Variants in RCOR3 observed in about 807,000 individuals in gnomAD.
RCOR3 encodes REST corepressor 3.
RCOR3 carries 13 observed loss-of-function variants against 64.1 expected under a neutral mutation model. That is an observed-to-expected ratio of 0.20 (90% CI 0.13 to 0.32). The LOEUF (loss-of-function observed/expected upper bound fraction) is 0.32. Ranked by LOEUF, RCOR3 falls within the 10% of genes least tolerant of loss-of-function variation. RCOR3 has a pLI of 1.00. For synonymous variants in RCOR3, 215 were observed against 239.0 expected, an observed-to-expected ratio of 0.90 and a Z score of 0.93; for missense variants, 489 against 701.2, an observed-to-expected ratio of 0.70 and a Z score of 3.42.
At chr1:211,271,650 CA>C in intron 3 of RCOR3, 1 of 422,138 alleles carries the variant, frequency 2.4e-6, no homozygotes. Context: ...GCGGTAAAGA[CA>C]TGCCTTCAAA....
intron 10 of RCOR3, among the ~76,000 whole-genome samples, chr1:211,305,989 G>A (rs75960222): frequency 0.028 from 4,265 of 152,258 alleles, 78 homozygotes; most frequent in South Asian, 0.073. Flanking sequence ...AGTATTGCAT[G>A]TTCGCAGGAT....
rs1699939498 is a variant in RCOR3 at position 211,297,264 on chromosome 1, T to G, written c.1017+1511T>G. On this transcript the variant is annotated intron_variant, in intron 9 of 11. Coordinates refer to ENST00000419091, the MANE Select transcript of RCOR3 (RefSeq NM_001136223.3). Reference sequence around the variant, plus strand: ...AGAAAGATGTTAAAGTCCAGTAGCATTTTATAGCTTCCCTATGTGCTATCT... The same window carrying G: ...AGAAAGATGTTAAAGTCCAGTAGCAGTTTATAGCTTCCCTATGTGCTATCT... Among the ~76,000 whole-genome samples, 4 of 152,160 alleles carry G rather than the reference T, an allele frequency of 2.6e-5. No individual in the cohort carries two copies. The South Asian group carries it at 8.3e-4, about 31-fold the overall frequency.
chr1:211,301,062 A>T (rs1276524144), intron 9 of RCOR3, among the ~76,000 whole-genome samples: 4 of 152,130 alleles, frequency 2.6e-5, no homozygotes, highest in African/African-American at 9.7e-5. Context: ...GTCTCTGGCT[A>T]CCTTTTTAAA....
At chr1:211,292,380 TCA>T (rs1699348230) in intron 8 of RCOR3, among the ~76,000 whole-genome samples, 1 of 152,234 alleles carries the variant, frequency 6.6e-6, no homozygotes, top group Non-Finnish European at 1.5e-5. Flanking sequence ...AACTTCTAAA[TCA>T]TTTGCTGTAA....
rs772199628 is a variant in RCOR3 at position 211,259,465 on chromosome 1, C to T, written c.-96C>T. ...TCCGCCGCCGCCGCCGTCTCCTCCT[C>T]CTCCTCCTTTCCCTCCCGCCCGCGC... On this transcript the variant is annotated 5_prime_UTR_variant, in exon 1 of 12. Coordinates refer to ENST00000419091, the MANE Select transcript of RCOR3 (RefSeq NM_001136223.3). 1.3e-5 allele frequency: 16 copies of T among 1,279,984 alleles called. No individual in the cohort carries two copies. The South Asian group carries it at 1.7e-4, about 14-fold the overall frequency. The allele number at this position is 1,279,984 out of a possible 1,614,324, so 79.3% of individuals were successfully genotyped here. A position where few individuals can be genotyped will look rare whatever the true frequency, so the allele number is the denominator to read the frequency against.
Position 211,312,429 on chromosome 1 carries a change from G to A in RCOR3, c.1076-291G>A. On this transcript the variant is annotated intron_variant, in intron 10 of 11. Transcript: ENST00000419091. The surrounding 1 kb of genome is among the most constrained non-coding windows in gnomAD (Gnocchi z 5.0). ...AAGAATTCAATGCTTTACAATAAATGGACTGTATTTGAGAGTTCAAGAGAG... is the reference window on the plus strand; with the variant it reads ...AAGAATTCAATGCTTTACAATAAATAGACTGTATTTGAGAGTTCAAGAGAG... The A allele has an allele frequency of 3.7e-6, 2 of 537,860 alleles. No individual in the cohort carries two copies. The highest frequency in any genetic ancestry group is 7.1e-6 in the Non-Finnish European group (2 of 279,788). 33.3% of individuals were successfully genotyped at this position (537,860 alleles called of 1,614,324 possible).
intron 2 of RCOR3, among the ~76,000 whole-genome samples, chr1:211,262,265 T>C (rs1488247273): frequency 1.3e-5 from 2 of 151,888 alleles, no homozygotes; most frequent in African/African-American, 4.8e-5. Flanking sequence ...CTCGAACTCC[T>C]GACCTCGTGA....
At chr1:211,288,155 T>G (rs560879269) in intron 7 of RCOR3, among the ~76,000 whole-genome samples, 1 of 151,412 alleles carries the variant, frequency 6.6e-6, no homozygotes, top group Admixed American at 6.6e-5. Context: ...AAGGCTACAG[T>G]AAGCAGTGCT....
rs982052818 is a variant in RCOR3, at chr1:211,266,352, T to C, written c.224-4880T>C. On this transcript the variant is annotated intron_variant, in intron 2 of 11. Coordinates refer to ENST00000419091, the MANE Select transcript of RCOR3 (RefSeq NM_001136223.3). ...ATTTTTATTTTTATTGATGTAGAAA[T>C]CCTAGTTTATCGAATTATATTTTCC... Among the ~76,000 whole-genome samples, 3 of 152,184 alleles carry C rather than the reference T, an allele frequency of 2.0e-5. No homozygotes were observed. The South Asian group carries it at 6.2e-4, about 31-fold the overall frequency.
intron 7 of RCOR3, among the ~76,000 whole-genome samples, chr1:211,286,555 C>T (rs368940046): frequency 1.3e-5 from 2 of 152,128 alleles, no homozygotes; most frequent in South Asian, 4.1e-4. Context: ...GATCCGCCCC[C>T]CTCGGCCTCC....
Position 211,303,895 on chromosome 1 carries a change from A to G in RCOR3, c.1018-188A>G, listed in dbSNP as rs78839927. On this transcript the variant is annotated intron_variant, in intron 9 of 11. Coordinates refer to ENST00000419091, the MANE Select transcript of RCOR3 (RefSeq NM_001136223.3). The stretch of plus-strand genomic sequence containing the variant: ...TTGCAAATTGGTACATTTCCCTTTC[A>G]TTATCTTTCTGCATGGGTAAAAGGT... The G allele has an allele frequency of 2.7e-3, 1,136 of 426,578 alleles. 9 individuals are homozygous for G. Among genetic ancestry groups the G allele is most frequent in the African/African-American group, 0.02 (1,004 of 48,990 alleles). The allele number at this position is 426,578 out of a possible 1,614,324, so 26.4% of individuals were successfully genotyped here.
Position 211,259,520 on chromosome 1 carries a change from C to T in RCOR3, c.-41C>T, listed in dbSNP as rs1571727715. 2.4e-5 allele frequency: 37 copies of T among 1,533,172 alleles called. No individual in the cohort carries two copies. The highest frequency in any genetic ancestry group is 3.2e-5 in the Non-Finnish European group (37 of 1,138,826). The allele number at this position is 1,533,172 out of a possible 1,614,324, so 95.0% of individuals were successfully genotyped here. On this transcript the variant is annotated 5_prime_UTR_variant, in exon 1 of 12. Coordinates refer to ENST00000419091, the MANE Select transcript of RCOR3 (RefSeq NM_001136223.3). ...AGCCATCTCCGCCTTCACCCTGACG[C>T]CTGCCTCTTCCCCTCACCTTTCCCC...
intron 10 of RCOR3, among the ~76,000 whole-genome samples, chr1:211,308,687 T>TTTG (rs1701159138): frequency 3.1e-5 from 2 of 64,828 alleles, no homozygotes; most frequent in Non-Finnish European, 6.3e-5. Context: ...TTTTTTTGTT[T>TTTG]TTTTTTTTTT....
At chr1:211,285,986 A>G (rs1216383169) in intron 7 of RCOR3, among the ~76,000 whole-genome samples, 1 of 151,428 alleles carries the variant, frequency 6.6e-6, no homozygotes, top group African/African-American at 2.4e-5. Context: ...TAGCTCCACC[A>G]TTTTTCTTCT....
Position 211,259,756 on chromosome 1 carries a change from C to T in RCOR3, c.166+30C>T, listed in dbSNP as rs1435107089. 9.8e-6 allele frequency: 14 copies of T among 1,433,688 alleles called. No homozygotes were observed. In the East Asian group the frequency reaches 1.3e-4, roughly 14 times the overall value. The allele number at this position is 1,433,688 out of a possible 1,614,324, so 88.8% of individuals were successfully genotyped here. A position where few individuals can be genotyped will look rare whatever the true frequency, so the allele number is the denominator to read the frequency against. ...TAGCCTCGAACTCCTCCCCGCCAGC[C>T]CGCCTGCCCCCCTCCCTCTTCCCCT... On this transcript the variant is annotated intron_variant, in intron 1 of 11. Transcript: ENST00000419091.
intron 3 of RCOR3, among the ~76,000 whole-genome samples, chr1:211,272,570 C>T (rs920055768): frequency 1.5e-5 from 2 of 137,592 alleles, no homozygotes; most frequent in African/African-American, 5.5e-5. Context: ...TTTCTCAGAC[C>T]AATTAAGTTA....
intron 9 of RCOR3, among the ~76,000 whole-genome samples, chr1:211,298,018 G>A (rs1309201193): frequency 6.6e-6 from 1 of 152,148 alleles, no homozygotes; most frequent in Admixed American, 6.5e-5. Context: ...GGGAAAAATG[G>A]GTTGAAGAAA....
At chr1:211,282,133 C>A (rs1697894529) in intron 7 of RCOR3, among the ~76,000 whole-genome samples, 1 of 152,088 alleles carries the variant, frequency 6.6e-6, no homozygotes, top group African/African-American at 2.4e-5. Flanking sequence ...GATGCATACT[C>A]ATTTGGTCTT....
At position 211,312,549 on chromosome 1, in the gene RCOR3, A is replaced by G. The variant is rs1701601510; in HGVS notation, c.1076-171A>G. ...GGCTCGATGAAATGACATAACTGAT[A>G]GTTTTCATCTGTGACCCTGATATCT... On this transcript the variant is annotated intron_variant, in intron 10 of 11. Coordinates refer to ENST00000419091, the MANE Select transcript of RCOR3 (RefSeq NM_001136223.3). The surrounding 1 kb of genome is among the most constrained non-coding windows in gnomAD (Gnocchi z 5.0). 1 of 658,174 alleles carries G rather than the reference A, an allele frequency of 1.5e-6. No individual in the cohort carries two copies. 40.8% of individuals were successfully genotyped at this position (658,174 alleles called of 1,614,324 possible). A position where few individuals can be genotyped will look rare whatever the true frequency, so the allele number is the denominator to read the frequency against.
Sources: gnomAD v4.1 joint callset for allele counts (sites outside exome capture counted in the v4.1 genomes callset) on GRCh38, gnomAD v4.1.1 for gene constraint, Gnocchi (gnomAD v3.1) non-coding constraint, MANE v1.5 for transcripts, NCBI Gene and HGNC (gene_info 2026-07-23, HGNC 2026-07-21) for gene names.